CTNNA2: variants seen among roughly 807,000 people sequenced by gnomAD.
The protein encoded by CTNNA2 is catenin alpha-2.
A neutral mutation model predicts 101.0 loss-of-function variants in CTNNA2; 42 were observed. The observed-to-expected ratio is 0.42, with a 90% CI of 0.32 to 0.54. CTNNA2 has a LOEUF of 0.54. Among genes scored for constraint, CTNNA2 ranks in the 20% least tolerant of loss-of-function variants. The pLI is 0.14. For synonymous variants in CTNNA2, 450 were observed against 456.4 expected (o/e 0.99, Z 0.18); for missense variants, 871 against 1,223.1 (o/e 0.71, Z 4.29).
chr2:80,244,053 A>C (rs1301519233), intron 7 of CTNNA2, among the ~76,000 whole-genome samples: 1 of 152,204 alleles, frequency 6.6e-6, no homozygotes, highest in African/African-American at 2.4e-5. Flanking sequence ...GACGAAGAAG[A>C]AAAACACAGA....
chr2:79,998,233 G>C (rs187031813), intron 7 of CTNNA2, among the ~76,000 whole-genome samples: 39 of 152,276 alleles, frequency 2.6e-4, no homozygotes, highest in Non-Finnish European at 4.9e-4. Flanking sequence ...TCATTTCGTT[G>C]AAACTATTTA....
At chr2:80,553,752 TAAG>T (rs1692786451) in intron 11 of CTNNA2, among the ~76,000 whole-genome samples, 1 of 152,200 alleles carries the variant, frequency 6.6e-6, no homozygotes, top group Non-Finnish European at 1.5e-5. Context: ...TTAATTGTCT[TAAG>T]AAATTCTACA....
intron 7 of CTNNA2, among the ~76,000 whole-genome samples, chr2:79,972,055 A>G (rs1172175211): frequency 2.0e-5 from 3 of 152,168 alleles, no homozygotes; most frequent in Admixed American, 6.6e-5. Flanking sequence ...TCACTTCCAA[A>G]TCATTCTTTG....
intron 1 of CTNNA2, among the ~76,000 whole-genome samples, chr2:79,595,570 T>C (rs1014734684): frequency 6.6e-6 from 1 of 152,194 alleles, no homozygotes; most frequent in Admixed American, 6.5e-5. Flanking sequence ...CAGGTAGTTA[T>C]CTTAGAGTTC....
At chr2:80,129,668 C>T (rs1702310889) in intron 7 of CTNNA2, among the ~76,000 whole-genome samples, 1 of 152,202 alleles carries the variant, frequency 6.6e-6, no homozygotes, top group African/African-American at 2.4e-5. Context: ...CATATAAGAT[C>T]ATCTCATCCT....
intron 9 of CTNNA2, among the ~76,000 whole-genome samples, chr2:80,465,526 G>T (rs566916985): frequency 6.6e-6 from 1 of 152,126 alleles, no homozygotes; most frequent in Non-Finnish European, 1.5e-5. Context: ...AATGCTTGAA[G>T]AAGGCCACAG....
intron 7 of CTNNA2, among the ~76,000 whole-genome samples, chr2:80,184,064 T>TATAATA (rs146921769): frequency 3.3e-4 from 50 of 151,128 alleles, no homozygotes; most frequent in Middle Eastern, 3.4e-3. Flanking sequence ...CATTGTAGGC[T>TATAATA]ATAATAATAA....
intron 7 of CTNNA2, among the ~76,000 whole-genome samples, chr2:79,960,125 C>G (rs1689528355): frequency 6.6e-6 from 1 of 152,070 alleles, no homozygotes; most frequent in South Asian, 2.1e-4. Context: ...TTCATAGCTA[C>G]TTTTAAAATC....
chr2:80,622,089 G>A (rs1035314214), intron 18 of CTNNA2, among the ~76,000 whole-genome samples: 2 of 151,922 alleles, frequency 1.3e-5, no homozygotes, highest in African/African-American at 4.8e-5. Flanking sequence ...AAAATGTATT[G>A]CTTACAGTTC....
At chr2:80,486,753 C>G (rs1573010685) in intron 9 of CTNNA2, among the ~76,000 whole-genome samples, 1 of 152,138 alleles carries the variant, frequency 6.6e-6, no homozygotes, top group South Asian at 2.1e-4. Flanking sequence ...GTCCAACTTC[C>G]TCTAATGTTA....
chr2:79,687,370 AAG>A (rs1274487486), intron 2 of CTNNA2, among the ~76,000 whole-genome samples: 1 of 152,090 alleles, frequency 6.6e-6, no homozygotes, highest in East Asian at 1.9e-4. Flanking sequence ...AATTTGAGTT[AAG>A]AACAAAAATA....
At chr2:79,727,246 T>C (rs1263164033) in intron 2 of CTNNA2, among the ~76,000 whole-genome samples, 1 of 152,176 alleles carries the variant, frequency 6.6e-6, no homozygotes, top group African/African-American at 2.4e-5. Flanking sequence ...TATATTCAGA[T>C]TGAAAGCTTG....
At chr2:80,420,067 A>G (rs1042380892) in intron 9 of CTNNA2, among the ~76,000 whole-genome samples, 16 of 135,120 alleles carry the variant, frequency 1.2e-4, no homozygotes, top group Non-Finnish European at 1.4e-4. Flanking sequence ...AAAAAAACCC[A>G]CCTTCCCCAA....
intron 7 of CTNNA2, among the ~76,000 whole-genome samples, chr2:80,116,585 G>T (rs1701536314): frequency 6.6e-6 from 1 of 152,208 alleles, no homozygotes; most frequent in African/African-American, 2.4e-5. Flanking sequence ...TGCTGACATG[G>T]TCTAGAGATT....
chr2:80,413,839 T>C (rs1048327337), intron 8 of CTNNA2, among the ~76,000 whole-genome samples: 3 of 152,236 alleles, frequency 2.0e-5, no homozygotes, highest in African/African-American at 7.2e-5. Flanking sequence ...TTTTTGAGCC[T>C]ATTTGAAATC....
intron 4 of CTNNA2, among the ~76,000 whole-genome samples, chr2:79,489,699 C>T (rs1488365685): frequency 6.6e-6 from 1 of 152,146 alleles, no homozygotes; most frequent in Admixed American, 6.6e-5. Flanking sequence ...GAAAAGAAAT[C>T]CCAGAGAATT....
At chr2:80,528,982 A>G (rs1558552397) in intron 9 of CTNNA2, among the ~76,000 whole-genome samples, 1 of 152,206 alleles carries the variant, frequency 6.6e-6, no homozygotes, top group Non-Finnish European at 1.5e-5. Context: ...TGAGAAATAA[A>G]AAGATCCTTC....
intron 3 of CTNNA2, among the ~76,000 whole-genome samples, chr2:79,824,517 A>G (rs1678262891): frequency 6.6e-6 from 1 of 152,108 alleles, no homozygotes; most frequent in South Asian, 2.1e-4. Flanking sequence ...CCCAGTGCTT[A>G]TGAGTCTGAA....
chr2:80,125,696 A>G (rs1702071492), intron 7 of CTNNA2, among the ~76,000 whole-genome samples: 1 of 152,086 alleles, frequency 6.6e-6, no homozygotes, highest in Non-Finnish European at 1.5e-5. Context: ...GTGAGATGAA[A>G]CCCATTTGCC....
Sources: gnomAD v4.1 joint callset for allele counts (sites outside exome capture counted in the v4.1 genomes callset) on GRCh38, gnomAD v4.1.1 for gene constraint, MANE v1.5 for transcripts, NCBI Gene and HGNC (gene_info 2026-07-23, HGNC 2026-07-21) for gene names.